RASGRF1: variants seen among roughly 807,000 people sequenced by gnomAD.
RASGRF1 encodes the protein ras-specific guanine nucleotide-releasing factor 1.
RASGRF1 carries 40 observed loss-of-function variants against 138.7 expected under a neutral mutation model. The ratio of observed to expected loss-of-function variants is 0.29; its 90% CI spans 0.22 to 0.38. The LOEUF (loss-of-function observed/expected upper bound fraction) is 0.38, where lower values mean the gene tolerates loss of function less well. Ranked by LOEUF, RASGRF1 falls within the 10% of genes least tolerant of loss-of-function variation. The pLI is 1.00. For missense variants in RASGRF1, 1,108 were observed against 1,650.4 expected, an observed-to-expected ratio of 0.67 and a Z score of 5.69; for synonymous variants, 614 against 663.2, an observed-to-expected ratio of 0.93 and a Z score of 1.14.
intron 5 of RASGRF1, among the ~76,000 whole-genome samples, chr15:79,036,922 A>G (rs2057230825): frequency 6.6e-6 from 1 of 152,132 alleles, no homozygotes; most frequent in South Asian, 2.1e-4. Context: ...ACCGAAACCA[A>G]TGCGAACTTA....
chr15:79,029,411 C>T (rs968848174), intron 8 of RASGRF1, among the ~76,000 whole-genome samples: 1 of 152,140 alleles, frequency 6.6e-6, no homozygotes, highest in Non-Finnish European at 1.5e-5. Context: ...GCGGGTAATT[C>T]CAAGGTAGCA....
At chr15:79,019,325 G>T (rs2056925590) in intron 11 of RASGRF1, among the ~76,000 whole-genome samples, 1 of 152,164 alleles carries the variant, frequency 6.6e-6, no homozygotes, top group Admixed American at 6.5e-5. Flanking sequence ...TCAAGAGAGA[G>T]TAGTGATCCC....
intron 5 of RASGRF1, 145 bp from the exon 6 acceptor site, chr15:79,035,355 G>A (rs2057205240): frequency 3.2e-6 from 2 of 631,522 alleles, no homozygotes; most frequent in Non-Finnish European, 5.6e-6. Flanking sequence ...CGGCAGGATG[G>A]ATCATATAAT....
At chr15:78,991,668 C>T (rs994901888) in intron 21 of RASGRF1, 23 bp downstream of exon 21, 13 of 1,583,090 alleles carry the variant, frequency 8.2e-6, no homozygotes, top group African/African-American at 2.7e-5. Flanking sequence ...CGGGGGGAGG[C>T]GGGTGGTGCC....
intron 3 of RASGRF1, among the ~76,000 whole-genome samples, chr15:79,057,819 C>T (rs1338440669): frequency 1.3e-5 from 2 of 152,214 alleles, no homozygotes; most frequent in Admixed American, 6.5e-5. Context: ...AATGCCGCCT[C>T]CAGAATGCTG....
At chr15:79,001,255 C>A (rs1376641794) in intron 16 of RASGRF1, among the ~76,000 whole-genome samples, 2 of 151,190 alleles carry the variant, frequency 1.3e-5, no homozygotes, top group African/African-American at 4.9e-5. Context: ...GAACCAGGAT[C>A]TTCCATGAAT....
At chr15:78,963,814 C>G (rs185023850) in intron 26 of RASGRF1, among the ~76,000 whole-genome samples, 5 of 152,278 alleles carry the variant, frequency 3.3e-5, no homozygotes, top group Admixed American at 2.0e-4. Flanking sequence ...ATATCACAGT[C>G]TGGTTTAACC....
chr15:79,052,656 A>G (rs932481174), intron 3 of RASGRF1, among the ~76,000 whole-genome samples: 3 of 152,256 alleles, frequency 2.0e-5, no homozygotes, highest in African/African-American at 7.2e-5. Context: ...AGCCTTGGCC[A>G]GGAAGTGGCA....
intron 1 of RASGRF1, among the ~76,000 whole-genome samples, chr15:79,071,651 T>C (rs780086545): frequency 5.3e-5 from 8 of 152,236 alleles, no homozygotes; most frequent in Admixed American, 1.3e-4. Flanking sequence ...ATCATAGTTG[T>C]GAGCCACTGT....
In RASGRF1 at chr15:78,999,957, A is replaced by T. The variant is rs748919135; in HGVS notation, c.2576-44T>A. 3.8e-6 allele frequency: 6 copies of T among 1,588,326 alleles called. No homozygotes were observed. In the East Asian group the frequency reaches 1.3e-4, roughly 36 times the overall value. On this transcript the variant is annotated intron_variant, in intron 16 of 26. Transcript: ENST00000558480. ...CAACCCTCAGCTGTCCCCAGTCCCA[A>T]CTCCTCAGGCTGTTAGAAAACCAGG...
In RASGRF1 at chr15:79,090,551, G is replaced by GC. The variant is rs1037868559; in HGVS notation, c.-54dup. The GC allele has an allele frequency of 8.2e-5, 129 of 1,582,306 alleles. No homozygotes were observed. The African/African-American group carries it at 1.5e-3, about 18-fold the overall frequency. On this transcript the variant is annotated 5_prime_UTR_variant, in exon 1 of 27. Transcript: ENST00000558480. ...GCGCTTACATCTTCTCCGCGCAGCA[G>GC]CCCCCCGTCCGTGCGCGCTGCGCGC...
chr15:79,033,231 C>A (rs564720139), intron 6 of RASGRF1, among the ~76,000 whole-genome samples: 32 of 152,136 alleles, frequency 2.1e-4, no homozygotes, highest in Non-Finnish European at 4.1e-4. Flanking sequence ...TCATGTGAAA[C>A]ATCTTCCTTA....
At chr15:78,994,402 G>T (rs901269474) in intron 20 of RASGRF1, among the ~76,000 whole-genome samples, 1 of 152,204 alleles carries the variant, frequency 6.6e-6, no homozygotes, top group African/African-American at 2.4e-5. Flanking sequence ...GGCAGCAGGG[G>T]CCCAGAACCC....
At chr15:78,971,387 T>A (rs1484219424) in intron 26 of RASGRF1, among the ~76,000 whole-genome samples, 1 of 152,204 alleles carries the variant, frequency 6.6e-6, no homozygotes, top group East Asian at 1.9e-4. Flanking sequence ...AAAAAAGGAA[T>A]GATACTGAGC....
intron 20 of RASGRF1, among the ~76,000 whole-genome samples, chr15:78,992,360 C>T (rs2056288897): frequency 6.6e-6 from 1 of 152,236 alleles, no homozygotes; most frequent in South Asian, 2.1e-4. Context: ...AGGGGCCACC[C>T]TTGGACACCA....
intron 19 of RASGRF1, among the ~76,000 whole-genome samples, chr15:78,997,626 C>G (rs1489044204): frequency 6.7e-6 from 1 of 150,340 alleles, no homozygotes; most frequent in Non-Finnish European, 1.5e-5. Context: ...ATCCCAGCTA[C>G]TGGGGAGGCT....
chr15:78,997,753 A>AG (rs950603750), intron 19 of RASGRF1, among the ~76,000 whole-genome samples: 3 of 151,522 alleles, frequency 2.0e-5, no homozygotes, highest in South Asian at 2.1e-4. Context: ...AAAAAAAAAA[A>AG]AGATTTAAAT....
At chr15:79,068,526 T>C (rs57421851) in intron 1 of RASGRF1, among the ~76,000 whole-genome samples, 2,920 of 149,006 alleles carry the variant, frequency 0.02, 89 homozygotes, top group African/African-American at 0.066. Context: ...TGTATAAGTA[T>C]ATATATACAT....
chr15:79,086,552 G>A (rs1317825184), intron 1 of RASGRF1, among the ~76,000 whole-genome samples: 2 of 146,288 alleles, frequency 1.4e-5, no homozygotes, highest in African/African-American at 2.6e-5. Flanking sequence ...AGGGAACTAA[G>A]TGGGTAGACA....
Sources: allele counts gnomAD v4.1 joint callset (sites outside exome capture counted in the v4.1 genomes callset), GRCh38; gene constraint gnomAD v4.1.1; transcripts MANE v1.5; gene names NCBI Gene and HGNC (gene_info 2026-07-23, HGNC 2026-07-21).